Variants in CUL4A observed in about 807,000 individuals in gnomAD.
CUL4A encodes the protein cullin-4A.
CUL4A carries 16 observed loss-of-function variants against 95.5 expected under a neutral mutation model. The ratio of observed to expected loss-of-function variants is 0.17; its 90% CI spans 0.11 to 0.25. The LOEUF (loss-of-function observed/expected upper bound fraction) is 0.25. CUL4A is among the 10% of genes least tolerant of loss of function. The pLI is 1.00. For missense variants in CUL4A, 610 were observed against 937.0 expected (o/e 0.65, Z 4.56); for synonymous variants, 380 against 353.1 (o/e 1.08, Z -0.85).
chr13:113,259,609 TCTAAC>T (rs1009044455), intron 18 of CUL4A, among the ~76,000 whole-genome samples: 4 of 152,200 alleles, frequency 2.6e-5, no homozygotes, highest in Non-Finnish European at 4.4e-5. Context: ...GGTCATGTAA[TCTAAC>T]CTTTCAACTG....
intron 19 of CUL4A, among the ~76,000 whole-genome samples, chr13:113,262,768 G>A (rs1437954330): frequency 1.3e-5 from 2 of 152,256 alleles, no homozygotes; most frequent in South Asian, 2.1e-4. Flanking sequence ...TCACGTGATC[G>A]GGTCTGCCTC....
chr13:113,215,456 C>T (rs1044584724), intron 2 of CUL4A, among the ~76,000 whole-genome samples: 2 of 148,162 alleles, frequency 1.3e-5, no homozygotes, highest in African/African-American at 5.0e-5. Context: ...ATGGAGGTTA[C>T]TGTGTGCCTA....
At chr13:113,225,796 GTT>G (rs1364772773) in intron 3 of CUL4A, among the ~76,000 whole-genome samples, 2 of 152,160 alleles carry the variant, frequency 1.3e-5, no homozygotes, top group East Asian at 3.8e-4. Context: ...GGGTTTTTTT[GTT>G]TTGTCCAGAC....
chr13:113,254,594 C>CA (rs34804715), intron 16 of CUL4A, 99 bp from the exon 17 acceptor site: 45,023 of 596,090 alleles, frequency 0.076, 4 homozygotes, highest in East Asian at 0.089. Context: ...GACTCCTTCT[C>CA]AAAAAAAAAA....
intron 11 of CUL4A, among the ~76,000 whole-genome samples, chr13:113,243,864 T>G (rs1669751052): frequency 6.6e-6 from 1 of 152,226 alleles, no homozygotes; most frequent in Admixed American, 6.5e-5. Flanking sequence ...TGTTGAGCTC[T>G]TGGGAGTTTG....
intron 10 of CUL4A, among the ~76,000 whole-genome samples, chr13:113,241,875 T>C (rs558077503): frequency 5.9e-5 from 9 of 152,242 alleles, no homozygotes; most frequent in Middle Eastern, 3.4e-3. Flanking sequence ...TGAGTGCACA[T>C]GTGCATTCTA....
chr13:113,263,069 G>T (rs548462681), intron 19 of CUL4A: 2 of 6,798 alleles, frequency 2.9e-4, no homozygotes, highest in South Asian at 0.013. Flanking sequence ...GGCAGATGTC[G>T]GGTCTGCCTC....
chr13:113,233,860 T>G, intron 6 of CUL4A, 37 bp from the exon 7 acceptor site: 1 of 1,118,000 alleles, frequency 8.9e-7, no homozygotes, highest in Non-Finnish European at 1.4e-6. Context: ...ATAGTTTCCT[T>G]TACTGAAATT....
intron 2 of CUL4A, among the ~76,000 whole-genome samples, chr13:113,215,334 G>C (rs1297560086): frequency 6.6e-6 from 1 of 150,384 alleles, no homozygotes; most frequent in Non-Finnish European, 1.5e-5. Context: ...TCTCATCCAT[G>C]TGGCTGTGGA....
intron 2 of CUL4A, among the ~76,000 whole-genome samples, chr13:113,210,580 TCAAA>T (rs979106797): frequency 6.6e-6 from 1 of 152,260 alleles, no homozygotes; most frequent in African/African-American, 2.4e-5. Context: ...TTTAAGGTAT[TCAAA>T]CAGATTTGGT....
intron 2 of CUL4A, among the ~76,000 whole-genome samples, chr13:113,211,918 C>T (rs1231706455): frequency 1.3e-5 from 2 of 152,166 alleles, no homozygotes; most frequent in Non-Finnish European, 2.9e-5. Flanking sequence ...ACTCCGCCAC[C>T]AGCGTGTGCG....
intron 1 of CUL4A, 29 bp downstream of exon 1, chr13:113,209,804 G>C: frequency 8.6e-7 from 1 of 1,166,476 alleles, no homozygotes; most frequent in African/African-American, 1.6e-5. Flanking sequence ...TCGAGGGCCA[G>C]GCGCCCCGGG....
chr13:113,234,554 A>G (rs1410641945), intron 7 of CUL4A, among the ~76,000 whole-genome samples: 1 of 152,232 alleles, frequency 6.6e-6, no homozygotes, highest in Non-Finnish European at 1.5e-5. Flanking sequence ...TACTGAGCCC[A>G]GCTGCAGCTA....
chr13:113,226,975 C>T lies in CUL4A; in HGVS notation c.369-1001C>T, dbSNP rs1389905513. 2.6e-5 allele frequency among the ~76,000 whole-genome samples: 4 copies of T among 152,172 alleles called. No homozygotes were observed. In the East Asian group the frequency reaches 5.8e-4, roughly 22 times the overall value. On this transcript the variant is annotated intron_variant, in intron 3 of 19. Coordinates refer to ENST00000375440, the MANE Select transcript of CUL4A (RefSeq NM_001008895.4). The stretch of plus-strand genomic sequence containing the variant: ...TGAAGTGGGGCCTTTTGTCCCGCCA[C>T]CTACCCCCAGGGCACTTAAGGCCTG...
At position 113,209,956 on chromosome 13, in the gene CUL4A, C is replaced by T. The variant is rs780361048; in HGVS notation, c.149-17C>T. ...CGCGGCGCGCCCTGAGCCGCCCGCT[C>T]TCCCTCCGCCCTGCAGACAGACCTC... is the stretch of plus-strand genomic sequence containing the variant. On this transcript the variant is annotated splice_polypyrimidine_tract_variant and intron_variant, in intron 1 of 19. Coordinates refer to ENST00000375440, the MANE Select transcript of CUL4A (RefSeq NM_001008895.4). The T allele has an allele frequency of 8.1e-6, 12 of 1,484,270 alleles. No homozygotes were observed. In the African/African-American group the frequency reaches 8.8e-5, roughly 11 times the overall value. 91.9% of individuals were successfully genotyped at this position (1,484,270 alleles called of 1,614,324 possible).
intron 10 of CUL4A, 61 bp from the exon 11 acceptor site, chr13:113,242,904 CAGG>C: frequency 1.6e-6 from 2 of 1,245,212 alleles, no homozygotes; most frequent in Non-Finnish European, 2.3e-6. Context: ...TATATGATAG[CAGG>C]AGAAGATACT....
intron 7 of CUL4A, 73 bp from the exon 8 acceptor site, chr13:113,234,990 A>G: frequency 1.7e-6 from 2 of 1,152,592 alleles, no homozygotes; most frequent in South Asian, 1.4e-5. Flanking sequence ...TGTAAGGAAA[A>G]CAAAATCTCA....
rs2042375765 is a variant in CUL4A, at chr13:113,265,098, T to C, written c.*1516T>C. On this transcript the variant is annotated 3_prime_UTR_variant, in exon 20 of 20. Transcript: ENST00000375440. ...AAATGACACATTCTTCATAACTCTT[T>C]AGCAGCTTTGACTACTAGTGCACTA... The C allele has an allele frequency of 6.6e-6, 1 of 152,260 alleles. No homozygotes were observed. Among genetic ancestry groups the C allele is most frequent in the Non-Finnish European group, 1.5e-5 (1 of 68,040 alleles). 9.4% of individuals were successfully genotyped at this position (152,260 alleles called of 1,614,324 possible). A position where few individuals can be genotyped will look rare whatever the true frequency, so the allele number is the denominator to read the frequency against.
At chr13:113,228,757 A>G (rs936484705) in intron 4 of CUL4A, among the ~76,000 whole-genome samples, 1 of 152,054 alleles carries the variant, frequency 6.6e-6, no homozygotes, top group Non-Finnish European at 1.5e-5. Context: ...ATCATGTAAC[A>G]GGAACTCAGG....
Sources: gnomAD v4.1 joint callset for allele counts (sites outside exome capture counted in the v4.1 genomes callset) on GRCh38, gnomAD v4.1.1 for gene constraint, MANE v1.5 for transcripts, NCBI Gene and HGNC (gene_info 2026-07-23, HGNC 2026-07-21) for gene names.